ADGRD1: variants seen among roughly 807,000 people sequenced by gnomAD.
ADGRD1 encodes G-protein coupled receptor 133.
Under a neutral mutation model 113.4 loss-of-function variants are expected in ADGRD1, and 77 were observed. The observed-to-expected ratio is 0.68, with a 90% CI of 0.57 to 0.82. The LOEUF (loss-of-function observed/expected upper bound fraction) is 0.82, where lower values mean the gene tolerates loss of function less well. ADGRD1 is among the 40% of genes least tolerant of loss of function. The probability of loss-of-function intolerance (pLI) is 0.00; values close to 1 mark genes in which losing one functional copy is unlikely to be tolerated. For missense variants in ADGRD1, 1,036 were observed against 1,139.1 expected (o/e 0.91, Z 1.30); for synonymous variants, 474 against 475.0 (o/e 1.00, Z 0.03).
At chr12:131,097,693 C>T (rs1887388427) in intron 15 of ADGRD1, among the ~76,000 whole-genome samples, 1 of 152,200 alleles carries the variant, frequency 6.6e-6, no homozygotes, top group African/African-American at 2.4e-5. Context: ...TGAGGGGAGA[C>T]AGGCCCCGTG....
At chr12:131,117,595 G>C (rs1183452338) in intron 18 of ADGRD1, among the ~76,000 whole-genome samples, 2 of 152,082 alleles carry the variant, frequency 1.3e-5, no homozygotes, top group Non-Finnish European at 2.9e-5. Flanking sequence ...GGCCAGCCAG[G>C]GTCACATGCC....
chr12:131,066,333 C>T (rs904769081), intron 13 of ADGRD1, among the ~76,000 whole-genome samples: 19 of 152,336 alleles, frequency 1.2e-4, no homozygotes, highest in African/African-American at 4.6e-4. Flanking sequence ...CGCATCTGCA[C>T]CTGCTGCTCA....
chr12:131,114,464 A>G (rs1213606734), intron 18 of ADGRD1, among the ~76,000 whole-genome samples: 1 of 152,070 alleles, frequency 6.6e-6, no homozygotes, highest in African/African-American at 2.4e-5. Flanking sequence ...ACCTCCATCT[A>G]TCTCCCTGTC....
chr12:131,004,023 CTTTTTT>C (rs56871865), intron 10 of ADGRD1, among the ~76,000 whole-genome samples, 157 bp from the exon 11 acceptor site: 1 of 139,030 alleles, frequency 7.2e-6, no homozygotes, highest in African/African-American at 2.6e-5. Context: ...TTGCTTTACC[CTTTTTT>C]TTTTTTTTTT....
At chr12:130,968,975 A>C (rs1455838125) in intron 3 of ADGRD1, 1 of 1,524,080 alleles carries the variant, frequency 6.6e-7, no homozygotes, top group Non-Finnish European at 8.8e-7. Context: ...TGTTTCACCC[A>C]GCGTCCCGAA....
chr12:131,047,470 G>GC (rs1305417880), intron 13 of ADGRD1, among the ~76,000 whole-genome samples: 1 of 152,196 alleles, frequency 6.6e-6, no homozygotes, highest in Non-Finnish European at 1.5e-5. Context: ...CATCCAGGGA[G>GC]CCCCCTGTCG....
chr12:130,969,069 G>T, intron 3 of ADGRD1: 2 of 1,484,224 alleles, frequency 1.3e-6, no homozygotes, highest in Non-Finnish European at 1.8e-6. Flanking sequence ...CTCTGCAACT[G>T]TAGGTGAGCA....
intron 20 of ADGRD1, among the ~76,000 whole-genome samples, chr12:131,128,953 GAGT>G (rs1950823013): frequency 1.4e-5 from 2 of 144,636 alleles, no homozygotes; most frequent in African/African-American, 5.2e-5. Flanking sequence ...GTCTGGGTGT[GAGT>G]GACAGGCCGG....
At position 131,060,087 on chromosome 12, in the gene ADGRD1, C is replaced by T. The variant is rs1193759843; in HGVS notation, c.1474-16714C>T. On this transcript the variant is annotated intron_variant, in intron 13 of 24. Transcript: ENST00000261654. The surrounding 1 kb of genome is among the most constrained non-coding windows in gnomAD (Gnocchi z 4.4). ...CGGCGTGGGGGTGAAAGTCCGAGTG[C>T]CTGCTCTGTGTCCCTTGGAGTCCTG... 6.6e-6 allele frequency among the ~76,000 whole-genome samples: 1 copy of T among 152,258 alleles called. No individual in the cohort carries two copies. Among genetic ancestry groups the T allele is most frequent in the Non-Finnish European group, 1.5e-5 (1 of 68,044 alleles).
At chr12:131,126,277 C>G (rs970781753) in intron 20 of ADGRD1, among the ~76,000 whole-genome samples, 1 of 152,006 alleles carries the variant, frequency 6.6e-6, no homozygotes, top group Admixed American at 6.6e-5. Context: ...GAGTTTTGCC[C>G]CCTTCTCTCT....
chr12:131,067,288 G>A (rs1421372538), intron 13 of ADGRD1, among the ~76,000 whole-genome samples: 1 of 152,194 alleles, frequency 6.6e-6, no homozygotes, highest in Non-Finnish European at 1.5e-5. Context: ...CTAGAATGGA[G>A]GACGGAGATG....
chr12:131,057,725 C>A lies in ADGRD1; in HGVS notation c.1474-19076C>A, dbSNP rs1883999608. Among the ~76,000 whole-genome samples the A allele has an allele frequency of 6.6e-6, 1 of 152,304 alleles. No individual in the cohort carries two copies. The highest frequency in any genetic ancestry group is 1.9e-4 in the East Asian group (1 of 5,182). ...GTTACATTAATGACATCTGCAAGGACCCCATTTCCAAATAGGGTCACATTC... is the reference window on the plus strand; with the variant it reads ...GTTACATTAATGACATCTGCAAGGAACCCATTTCCAAATAGGGTCACATTC... On this transcript the variant is annotated intron_variant, in intron 13 of 24. Coordinates refer to ENST00000261654, the MANE Select transcript of ADGRD1 (RefSeq NM_198827.5). The surrounding 1 kb of genome is among the most constrained non-coding windows in gnomAD (Gnocchi z 4.2).
In ADGRD1 at chr12:131,041,191, G is replaced by A. The variant is rs1882099412; in HGVS notation, c.1473+26851G>A. Among the ~76,000 whole-genome samples the A allele has an allele frequency of 1.3e-5, 2 of 152,320 alleles. No homozygotes were observed. The highest frequency in any genetic ancestry group is 4.1e-4 in the South Asian group (2 of 4,824). ...ACAGAAAATCGGGGGTCTTGGTGCT[G>A]GCCACTGGCGCAGAGAATGTGGGGA... On this transcript the variant is annotated intron_variant, in intron 13 of 24. Transcript: ENST00000261654. This position sits in a 1 kb window ranked among gnomAD's most constrained non-coding sequence, Gnocchi z 4.4.
Position 130,992,382 on chromosome 12 carries a change from A to C in ADGRD1, c.956A>C (p.Asn319Thr). 1.9e-6 allele frequency: 3 copies of C among 1,613,290 alleles called. No individual in the cohort carries two copies. Among genetic ancestry groups the C allele is most frequent in the Non-Finnish European group, 2.5e-6 (3 of 1,179,656 alleles). The change falls in exon 8 of 25, where the codon AAT becomes ACT. Residue 319 changes from asparagine (N) to threonine (T), a missense_variant. Coordinates refer to ENST00000261654, the MANE Select transcript of ADGRD1 (RefSeq NM_198827.5). ...TCCCTCTCGGAGCAGACAGCCTTGAATCTCACCAAGGTAAGGCTATTTGAT... is the reference window on the plus strand; with the variant it reads ...TCCCTCTCGGAGCAGACAGCCTTGACTCTCACCAAGGTAAGGCTATTTGAT... ...SKSLSEQTALNLTKTFLKAVG... is the reference protein window; with the variant it reads ...SKSLSEQTALTLTKTFLKAVG...
intron 11 of ADGRD1, 96 bp downstream of exon 11, chr12:131,004,392 G>GCTGCGGGGCTCCCCCGGGCCGC (rs2136742943): frequency 3.8e-6 from 3 of 790,718 alleles, no homozygotes; most frequent in African/African-American, 1.7e-5. Context: ...GCGCCAGGGA[G>GCTGCGGGGCTCCCCCGGGCCGC]CTGCGGTGCT....
chr12:131,052,510 G>C (rs1265154230), intron 13 of ADGRD1, among the ~76,000 whole-genome samples: 1 of 152,226 alleles, frequency 6.6e-6, no homozygotes, highest in African/African-American at 2.4e-5. Flanking sequence ...GGTGCTTCCA[G>C]GGCTCTCCTG....
intron 14 of ADGRD1, among the ~76,000 whole-genome samples, chr12:131,083,344 A>G (rs768823057): frequency 6.6e-6 from 1 of 151,866 alleles, no homozygotes; most frequent in African/African-American, 2.4e-5. Context: ...GCTCACGCCT[A>G]TAATCCTAGT....
In ADGRD1 at chr12:131,019,409, G is replaced by A. The variant is rs1297437515; in HGVS notation, c.1473+5069G>A. Among the ~76,000 whole-genome samples the A allele has an allele frequency of 2.0e-5, 3 of 152,342 alleles. No individual in the cohort carries two copies. In the East Asian group the frequency reaches 5.8e-4, roughly 29 times the overall value. On this transcript the variant is annotated intron_variant, in intron 13 of 24. Coordinates refer to ENST00000261654, the MANE Select transcript of ADGRD1 (RefSeq NM_198827.5). Reference sequence around the variant, plus strand: ...GGACGCCAGGGGTTTTCGACACGACGATCGGTCAGAATCTGCAGTGTTCTC... The same window carrying A: ...GGACGCCAGGGGTTTTCGACACGACAATCGGTCAGAATCTGCAGTGTTCTC...
At chr12:131,048,624 A>G (rs925211332) in intron 13 of ADGRD1, among the ~76,000 whole-genome samples, 2 of 152,244 alleles carry the variant, frequency 1.3e-5, no homozygotes, top group Admixed American at 1.3e-4. Flanking sequence ...CGTGCAGATC[A>G]GTAATTTCTT....
Sources: gnomAD v4.1 joint callset for allele counts (sites outside exome capture counted in the v4.1 genomes callset) on GRCh38, gnomAD v4.1.1 for gene constraint, Gnocchi (gnomAD v3.1) non-coding constraint, MANE v1.5 for transcripts, NCBI Gene and HGNC (gene_info 2026-07-23, HGNC 2026-07-21) for gene names.